GRIK1: variants seen among roughly 807,000 people sequenced by gnomAD.
The protein encoded by GRIK1 is glutamate ionotropic receptor kainate type subunit 1, also known as glutamate receptor ionotropic, kainate 1.
A neutral mutation model predicts 105.7 loss-of-function variants in GRIK1; 69 were observed. The ratio of observed to expected loss-of-function variants is 0.65; its 90% CI spans 0.54 to 0.80. The LOEUF (loss-of-function observed/expected upper bound fraction) is 0.80. Ranked by LOEUF, GRIK1 falls within the 30% of genes least tolerant of loss-of-function variation. The probability of loss-of-function intolerance (pLI) is 0.00; values close to 1 mark genes in which losing one functional copy is unlikely to be tolerated. For synonymous variants in GRIK1, 438 were observed against 431.3 expected, an observed-to-expected ratio of 1.02 and a Z score of -0.19; for missense variants, 1,109 against 1,167.3, an observed-to-expected ratio of 0.95 and a Z score of 0.73.
chr21:29,892,923 C>T (rs2069955456), intron 1 of GRIK1, among the ~76,000 whole-genome samples: 1 of 152,202 alleles, frequency 6.6e-6, no homozygotes, highest in Non-Finnish European at 1.5e-5. Flanking sequence ...CCTGTAATCC[C>T]AGCACTTTGG....
rs528816102 is a variant in GRIK1 at position 29,728,924 on chromosome 21, G to A, written c.119-34861C>T. On this transcript the variant is annotated intron_variant, in intron 1 of 17. Transcript: ENST00000327783. ...TAGCATGGACAGGGAAGAAGAATAG[G>A]AAAACTTGATTAGCATGATGTGAAA... Among the ~76,000 whole-genome samples, 10 of 152,294 alleles carry A rather than the reference G, an allele frequency of 6.6e-5. No individual in the cohort carries two copies. In the South Asian group the frequency reaches 2.1e-3, roughly 32 times the overall value.
At position 29,768,524 on chromosome 21, in the gene GRIK1, C is replaced by T. The variant is rs16984929; in HGVS notation, c.119-74461G>A. Among the ~76,000 whole-genome samples, 1,123 of 152,258 alleles carry T rather than the reference C, an allele frequency of 7.4e-3. 14 individuals carry two copies. Among genetic ancestry groups the T allele is most frequent in the African/African-American group, 0.026 (1,076 of 41,544 alleles). ...GAGCCTTCTGAATGGTGTCTCAGAA[C>T]TGTCCACCCAGGGCACAAAAAGAGG... On this transcript the variant is annotated intron_variant, in intron 1 of 17. Coordinates refer to ENST00000327783, the MANE Select transcript of GRIK1 (RefSeq NM_001330994.2).
Position 29,587,423 on chromosome 21 carries a change from C to A in GRIK1, c.1736G>T (p.Trp579Leu), listed in dbSNP as rs1305527316. The A allele has an allele frequency of 1.2e-6, 2 of 1,613,900 alleles. No homozygotes were observed. The highest frequency in any genetic ancestry group is 8.5e-7 in the Non-Finnish European group (1 of 1,179,888). Residue 579 changes from tryptophan (W) to leucine (L), a missense_variant, in exon 12 of 18, where the codon TGG becomes TTG. Transcript: ENST00000327783. ...CAAGCAGGCTAAGAGCACATACATCCAAATATCTGGAGACAGGGGGTTGAG... is the reference window on the plus strand; with the variant it reads ...CAAGCAGGCTAAGAGCACATACATCAAAATATCTGGAGACAGGGGGTTGAG... ...SFLNPLSPDI[W>L]MYVLLACLGV...
rs1008970794 is a variant in GRIK1 at position 29,831,229 on chromosome 21, A to G, written c.118+108154T>C. On this transcript the variant is annotated intron_variant, in intron 1 of 17. Transcript: ENST00000327783. ...AAAGGCAGAAATGTTTGAGCAGCCC[A>G]CTTGGTACTGTCTGGTTGGGCTCTT... Among the ~76,000 whole-genome samples, 2 of 152,168 alleles carry G rather than the reference A, an allele frequency of 1.3e-5. 1 individual carries two copies. The highest frequency in any genetic ancestry group is 4.8e-5 in the African/African-American group (2 of 41,456).
chr21:29,863,982 C>T (rs1419465936), intron 1 of GRIK1, among the ~76,000 whole-genome samples: 3 of 152,002 alleles, frequency 2.0e-5, no homozygotes, highest in African/African-American at 7.2e-5. Context: ...AATAGGAATT[C>T]GTTGTTGTCT....
At chr21:29,862,502 C>T (rs1445358863) in intron 1 of GRIK1, among the ~76,000 whole-genome samples, 1 of 152,058 alleles carries the variant, frequency 6.6e-6, no homozygotes, top group East Asian at 1.9e-4. Context: ...TCTCCATGAC[C>T]CAGCCTAGTT....
intron 3 of GRIK1, among the ~76,000 whole-genome samples, chr21:29,685,725 T>C (rs1303667577): frequency 6.6e-6 from 1 of 152,192 alleles, no homozygotes; most frequent in African/African-American, 2.4e-5. Context: ...ATATGGCACC[T>C]TGGCATGCTG....
At chr21:29,781,687 G>T (rs545334838) in intron 1 of GRIK1, among the ~76,000 whole-genome samples, 1 of 73,878 alleles carries the variant, frequency 1.4e-5, no homozygotes, top group Non-Finnish European at 2.9e-5. Flanking sequence ...TTTTTGAGAC[G>T]GAGTCTCGCT....
chr21:29,649,400 A>T (rs1394900881), intron 6 of GRIK1, among the ~76,000 whole-genome samples: 1 of 152,122 alleles, frequency 6.6e-6, no homozygotes, highest in African/African-American at 2.4e-5. Flanking sequence ...ATAGTTAATT[A>T]TAATAATAAC....
chr21:29,694,904 G>A (rs2146737206), intron 1 of GRIK1, among the ~76,000 whole-genome samples: 1 of 152,300 alleles, frequency 6.6e-6, no homozygotes, highest in South Asian at 2.1e-4. Context: ...AGAATTCTGA[G>A]ATCATATTCT....
At chr21:29,877,378 T>C (rs1322586206) in intron 1 of GRIK1, among the ~76,000 whole-genome samples, 1 of 152,180 alleles carries the variant, frequency 6.6e-6, no homozygotes, top group Non-Finnish European at 1.5e-5. Flanking sequence ...TCATTAATTC[T>C]CAAAATCTTG....
chr21:29,727,259 A>G (rs963052574), intron 1 of GRIK1, among the ~76,000 whole-genome samples: 1 of 152,218 alleles, frequency 6.6e-6, no homozygotes, highest in Admixed American at 6.5e-5. Flanking sequence ...AGCAAAGGAT[A>G]GGAACATATT....
intron 1 of GRIK1, among the ~76,000 whole-genome samples, chr21:29,724,323 G>A (rs1410944069): frequency 6.6e-6 from 1 of 150,424 alleles, no homozygotes; most frequent in African/African-American, 2.4e-5. Flanking sequence ...CTATGTTGTA[G>A]GCGAGAGTTA....
intron 1 of GRIK1, among the ~76,000 whole-genome samples, chr21:29,863,880 C>T (rs989041599): frequency 6.6e-6 from 1 of 152,308 alleles, no homozygotes; most frequent in South Asian, 2.1e-4. Flanking sequence ...TTACATACTT[C>T]TTCTCAATAA....
chr21:29,815,954 C>G (rs533241671), intron 1 of GRIK1, among the ~76,000 whole-genome samples: 76 of 151,942 alleles, frequency 5.0e-4, no homozygotes, highest in African/African-American at 1.8e-3. Context: ...ACAAATGAGA[C>G]CATATTAAAC....
At chr21:29,669,683 C>T (rs1180455231) in intron 4 of GRIK1, among the ~76,000 whole-genome samples, 1 of 152,132 alleles carries the variant, frequency 6.6e-6, no homozygotes, top group African/African-American at 2.4e-5. Flanking sequence ...AAGAAACTCA[C>T]CTCAGGGGGT....
chr21:29,824,167 T>C (rs1375013686), intron 1 of GRIK1, among the ~76,000 whole-genome samples: 1 of 151,946 alleles, frequency 6.6e-6, no homozygotes. Flanking sequence ...AATTATACAC[T>C]ATAAATATAT....
intron 15 of GRIK1, 109 bp downstream of exon 15, chr21:29,561,515 C>A: frequency 1.5e-6 from 1 of 678,024 alleles, no homozygotes; most frequent in Non-Finnish European, 2.7e-6. Flanking sequence ...TCACTAATGG[C>A]ATTGTAGGCC....
intron 3 of GRIK1, among the ~76,000 whole-genome samples, chr21:29,675,079 T>C (rs2063240330): frequency 6.6e-6 from 1 of 152,246 alleles, no homozygotes; most frequent in South Asian, 2.1e-4. Flanking sequence ...GAAATAATCC[T>C]ATGATGTAAC....
Sources: gnomAD v4.1 joint callset for allele counts (sites outside exome capture counted in the v4.1 genomes callset) on GRCh38, gnomAD v4.1.1 for gene constraint, MANE v1.5 for transcripts, NCBI Gene and HGNC (gene_info 2026-07-23, HGNC 2026-07-21) for gene names.